ARHGAP15: variants seen among roughly 807,000 people sequenced by gnomAD.
ARHGAP15 encodes Rho GTPase activating protein 15, also known as rho GTPase-activating protein 15.
In ARHGAP15, 51 loss-of-function variants were observed where a neutral mutation model predicts 63.7. The observed-to-expected ratio is 0.80, with a 90% CI of 0.64 to 1.01. The LOEUF (loss-of-function observed/expected upper bound fraction) is 1.01, where lower values mean the gene tolerates loss of function less well. Among genes scored for constraint, ARHGAP15 ranks in the 50% least tolerant of loss-of-function variants. The pLI is 0.00. For synonymous variants in ARHGAP15, 191 were observed against 193.8 expected, an observed-to-expected ratio of 0.99 and a Z score of 0.12; for missense variants, 560 against 564.6, an observed-to-expected ratio of 0.99 and a Z score of 0.08.
At position 143,191,261 on chromosome 2, in the gene ARHGAP15, T is replaced by C. The variant is rs139689183; in HGVS notation, c.166-10873T>C. 3.6e-3 allele frequency among the ~76,000 whole-genome samples: 545 copies of C among 152,322 alleles called. 5 individuals are homozygous for C. The highest frequency in any genetic ancestry group is 0.013 in the African/African-American group (523 of 41,580). On this transcript the variant is annotated intron_variant, in intron 2 of 13. Coordinates refer to ENST00000295095, the MANE Select transcript of ARHGAP15 (RefSeq NM_018460.4). ...GGGTCATTTTGAAAATTCTATCTTATTTCAGTAAGAGTAGATGTCAAAGCT... is the reference window on the plus strand; with the variant it reads ...GGGTCATTTTGAAAATTCTATCTTACTTCAGTAAGAGTAGATGTCAAAGCT...
chr2:143,576,413 A>T (rs992105860), intron 11 of ARHGAP15, among the ~76,000 whole-genome samples: 19 of 152,140 alleles, frequency 1.2e-4, no homozygotes, highest in African/African-American at 4.3e-4. Flanking sequence ...TCTGTGATCC[A>T]TCCATAATGG....
intron 8 of ARHGAP15, among the ~76,000 whole-genome samples, chr2:143,483,381 GA>G (rs902798230): frequency 1.8e-4 from 27 of 152,070 alleles, no homozygotes; most frequent in African/African-American, 5.8e-4. Flanking sequence ...CCAAATGGAA[GA>G]AAAAAAATAT....
At chr2:143,313,248 G>A (rs1486802934) in intron 6 of ARHGAP15, among the ~76,000 whole-genome samples, 2 of 152,124 alleles carry the variant, frequency 1.3e-5, no homozygotes, top group African/African-American at 4.8e-5. Flanking sequence ...AGTTTTTGAA[G>A]TATGACGGAC....
chr2:143,726,971 T>C (rs934015812), intron 13 of ARHGAP15, among the ~76,000 whole-genome samples: 1 of 152,190 alleles, frequency 6.6e-6, no homozygotes, highest in African/African-American at 2.4e-5. Context: ...AATCTCAGCT[T>C]GGGATCCACA....
intron 6 of ARHGAP15, among the ~76,000 whole-genome samples, chr2:143,343,833 C>T (rs1345215294): frequency 6.6e-6 from 1 of 152,162 alleles, no homozygotes; most frequent in Middle Eastern, 3.4e-3. Flanking sequence ...CTAGGTTACT[C>T]CTATTAATAA....
At chr2:143,463,666 T>C (rs1691069564) in intron 8 of ARHGAP15, among the ~76,000 whole-genome samples, 1 of 152,198 alleles carries the variant, frequency 6.6e-6, no homozygotes, top group Non-Finnish European at 1.5e-5. Context: ...GTGGTACTGC[T>C]TCTCTGTTGA....
intron 4 of ARHGAP15, among the ~76,000 whole-genome samples, chr2:143,221,388 T>C (rs1018719178): frequency 5.3e-5 from 8 of 152,182 alleles, no homozygotes; most frequent in African/African-American, 1.9e-4. Flanking sequence ...CCTTTAGCCT[T>C]ATTTTGAAAT....
chr2:143,420,988 C>T (rs1688893647), intron 6 of ARHGAP15, among the ~76,000 whole-genome samples: 1 of 152,160 alleles, frequency 6.6e-6, no homozygotes, highest in Non-Finnish European at 1.5e-5. Flanking sequence ...GTGGAGTGCA[C>T]TCATTGTTTC....
chr2:143,361,435 C>T (rs145203441), intron 6 of ARHGAP15, among the ~76,000 whole-genome samples: 5 of 152,162 alleles, frequency 3.3e-5, no homozygotes, highest in African/African-American at 7.2e-5. Flanking sequence ...TGGAAAAGGA[C>T]GTATTAAAGA....
At chr2:143,425,539 CACTA>C (rs1291811871) in intron 6 of ARHGAP15, among the ~76,000 whole-genome samples, 1 of 151,572 alleles carries the variant, frequency 6.6e-6, no homozygotes, top group African/African-American at 2.4e-5. Context: ...TTTTGTAAAC[CACTA>C]ACTATAGTTT....
chr2:143,684,070 C>T (rs1301100722), intron 12 of ARHGAP15, among the ~76,000 whole-genome samples: 1 of 130,250 alleles, frequency 7.7e-6, no homozygotes, highest in Non-Finnish European at 1.7e-5. Context: ...TTTTTGCACA[C>T]ATTTATCTCC....
intron 10 of ARHGAP15, among the ~76,000 whole-genome samples, chr2:143,549,756 G>T (rs1695477746): frequency 6.6e-6 from 1 of 152,112 alleles, no homozygotes; most frequent in African/African-American, 2.4e-5. Context: ...ATATACCTTT[G>T]CCCAGGTGAA....
intron 2 of ARHGAP15, among the ~76,000 whole-genome samples, chr2:143,191,566 C>A (rs1691685656): frequency 6.6e-6 from 1 of 152,130 alleles, no homozygotes; most frequent in African/African-American, 2.4e-5. Context: ...GATAGGACAT[C>A]TGCTTTTCTT....
chr2:143,296,773 T>C (rs1415216762), intron 6 of ARHGAP15, among the ~76,000 whole-genome samples: 1 of 150,942 alleles, frequency 6.6e-6, no homozygotes, highest in Non-Finnish European at 1.5e-5. Flanking sequence ...TTTCATCGCC[T>C]GTGTATTAAG....
intron 13 of ARHGAP15, among the ~76,000 whole-genome samples, chr2:143,725,517 C>T (rs1468125180): frequency 6.6e-6 from 1 of 152,196 alleles, no homozygotes; most frequent in African/African-American, 2.4e-5. Flanking sequence ...AAAACTGGCC[C>T]CTAGGCAATA....
intron 8 of ARHGAP15, among the ~76,000 whole-genome samples, chr2:143,452,991 T>G (rs985495091): frequency 6.6e-6 from 1 of 151,948 alleles, no homozygotes; most frequent in Non-Finnish European, 1.5e-5. Flanking sequence ...AGAGTTGTTA[T>G]GTCTCCCATA....
intron 6 of ARHGAP15, among the ~76,000 whole-genome samples, chr2:143,250,949 C>A (rs1181981457): frequency 6.6e-6 from 1 of 151,998 alleles, no homozygotes; most frequent in Non-Finnish European, 1.5e-5. Flanking sequence ...AACTAAGACT[C>A]ACCAAGTATA....
At chr2:143,585,198 TGAGTA>T (rs1697064540) in intron 11 of ARHGAP15, among the ~76,000 whole-genome samples, 1 of 152,180 alleles carries the variant, frequency 6.6e-6, no homozygotes, top group South Asian at 2.1e-4. Context: ...GTATGTTGAC[TGAGTA>T]GAGAGTTATA....
chr2:143,321,924 T>C lies in ARHGAP15; in HGVS notation c.474+71324T>C, dbSNP rs72993782. ...AAGCCTTGGCCTCAAGCAATCCTCC[T>C]GCCTTGGCCACAATTATCTTCCTAA... On this transcript the variant is annotated intron_variant, in intron 6 of 13. Coordinates refer to ENST00000295095, the MANE Select transcript of ARHGAP15 (RefSeq NM_018460.4). Among the ~76,000 whole-genome samples the C allele has an allele frequency of 5.1e-3, 783 of 152,302 alleles. 8 individuals are homozygous for C. Among genetic ancestry groups the C allele is most frequent in the African/African-American group, 0.017 (724 of 41,574 alleles).
Sources: gnomAD v4.1 joint callset for allele counts (sites outside exome capture counted in the v4.1 genomes callset) on GRCh38, gnomAD v4.1.1 for gene constraint, MANE v1.5 for transcripts, NCBI Gene and HGNC (gene_info 2026-07-23, HGNC 2026-07-21) for gene names.